Variants in CHD1L observed in about 807,000 individuals in gnomAD.
CHD1L encodes ATP-dependent chromatin remodeler CHD1L.
CHD1L carries 118 observed loss-of-function variants against 115.9 expected under a neutral mutation model. That is an observed-to-expected ratio of 1.02 (90% CI 0.88 to 1.19). The LOEUF (loss-of-function observed/expected upper bound fraction) is 1.19. Ranked by LOEUF, CHD1L falls within the 50% of genes most tolerant of loss-of-function variation. The pLI, the probability that CHD1L is intolerant of heterozygous loss-of-function variation, is 0.00. For synonymous variants in CHD1L, 411 were observed against 387.1 expected (o/e 1.06, Z -0.72); for missense variants, 1,179 against 1,065.3 (o/e 1.11, Z -1.49).
the CHD1L span, among the ~76,000 whole-genome samples, chr1:147,184,884 A>G: frequency 3.6e-3 from 545 of 152,246 alleles, 4 homozygotes; most frequent in Admixed American, 5.7e-3. The surrounding 1 kb of genome is among the most constrained non-coding windows in gnomAD (Gnocchi z 4.4). Flanking sequence ...CCTTGAGGGC[A>G]GAGTTCATAA....
intron 19 of CHD1L, among the ~76,000 whole-genome samples, chr1:147,291,146 A>G (rs959288420): frequency 5.9e-5 from 9 of 152,186 alleles, no homozygotes; most frequent in African/African-American, 2.2e-4. Context: ...ATGATTTAGG[A>G]CAAGCACAAA....
At chr1:147,268,366 A>C (rs1436165306) in intron 9 of CHD1L, among the ~76,000 whole-genome samples, 1 of 152,210 alleles carries the variant, frequency 6.6e-6, no homozygotes, top group Non-Finnish European at 1.5e-5. Flanking sequence ...TCTCTGCCAA[A>C]TAGTGCTAAG....
chr1:147,253,430 G>A (rs1350643409), intron 2 of CHD1L, among the ~76,000 whole-genome samples: 1 of 152,188 alleles, frequency 6.6e-6, no homozygotes, highest in African/African-American at 2.4e-5. Context: ...AATTATTTCT[G>A]TTATAAAAAC....
At chr1:147,225,196 T>A in the CHD1L span, 7 of 1,446,758 alleles carry the variant, frequency 4.8e-6, no homozygotes, top group Non-Finnish European at 6.3e-6. Context: ...ACGGTCCTCT[T>A]CACCAGAGGA....
the CHD1L span, chr1:147,201,146 A>T: frequency 6.3e-7 from 1 of 1,596,734 alleles, no homozygotes; most frequent in Non-Finnish European, 8.6e-7. Flanking sequence ...TTGCATGGTC[A>T]CTTACCTTTA....
chr1:147,237,831 G>A (rs1664632520), upstream of CHD1L, among the ~76,000 whole-genome samples: 1 of 152,144 alleles, frequency 6.6e-6, no homozygotes, highest in East Asian at 1.9e-4. Context: ...CAGTCAAAAG[G>A]CATCCAGTTA....
rs1029944749 is a variant in CHD1L at position 147,295,714 on chromosome 1, C to G, written c.*205C>G. On this transcript the variant is annotated 3_prime_UTR_variant, in exon 23 of 23. Transcript: ENST00000369258. ...AAACACAACTTTTTTTGGGAAAGCC[C>G]TTTGACCCCAGCTTGCTAGTTGCAT... 2.1e-4 allele frequency: 113 copies of G among 527,662 alleles called. No homozygotes were observed. The highest frequency in any genetic ancestry group is 9.5e-4 in the Middle Eastern group (2 of 2,114). 32.7% of individuals were successfully genotyped at this position (527,662 alleles called of 1,614,324 possible).
chr1:147,229,038 C>T, the CHD1L span, among the ~76,000 whole-genome samples: 2 of 152,256 alleles, frequency 1.3e-5, no homozygotes, highest in South Asian at 2.1e-4. Context: ...CCAATTTTGG[C>T]TTTTGTTGCC....
chr1:147,242,715 G>C lies in CHD1L; in HGVS notation c.12G>C (p.Ala4=), dbSNP rs187995209. 8.7e-6 allele frequency: 11 copies of C among 1,258,468 alleles called. No individual in the cohort carries two copies. The highest frequency in any genetic ancestry group is 1.0e-5 in the Non-Finnish European group (10 of 997,796). The allele number at this position is 1,258,468 out of a possible 1,614,324, so 78.0% of individuals were successfully genotyped here. A position where few individuals can be genotyped will look rare whatever the true frequency, so the allele number is the denominator to read the frequency against. The change falls in exon 1 of 23, where the codon GCG becomes GCC. Residue 4 remains alanine, a synonymous_variant. Coordinates refer to ENST00000369258, the MANE Select transcript of CHD1L (RefSeq NM_004284.6). MER[A]GATSRGGQAP... The stretch of plus-strand genomic sequence containing the variant: ...CCTCTACCGGCCCGATGGAGCGCGC[G>C]GGCGCTACTAGCCGCGGGGGCCAAG...
chr1:147,242,709 GCGCGCGGGCGCTACTAGC>G lies in CHD1L; in HGVS notation c.11_28del (p.Ala4_Arg9del). ...GCGGGGCCTCTACCGGCCCGATGGA[GCGCGCGGGCGCTACTAGC>G]CGCGGGGGCCAAGCCCCTGGCTTCT... On this transcript the variant is annotated inframe_deletion, in exon 1 of 23. Transcript: ENST00000369258. 7.9e-7 allele frequency: 1 copy of G among 1,258,086 alleles called. No individual in the cohort carries two copies. Among genetic ancestry groups the G allele is most frequent in the Non-Finnish European group, 1.0e-6 (1 of 997,976 alleles). 77.9% of individuals were successfully genotyped at this position (1,258,086 alleles called of 1,614,324 possible). A position where few individuals can be genotyped will look rare whatever the true frequency, so the allele number is the denominator to read the frequency against.
intron 13 of CHD1L, among the ~76,000 whole-genome samples, chr1:147,275,771 T>C (rs868921818): frequency 8.2e-5 from 10 of 122,246 alleles, no homozygotes; most frequent in Non-Finnish European, 1.5e-4. Flanking sequence ...TATGGGGCTA[T>C]GGAGCTAAGC....
intron 3 of CHD1L, among the ~76,000 whole-genome samples, chr1:147,255,232 G>T (rs1553939245): frequency 2.0e-5 from 3 of 152,006 alleles, no homozygotes; most frequent in Non-Finnish European, 4.4e-5. Flanking sequence ...ATTGTTTTTT[G>T]TTTGTTTGTT....
In CHD1L at chr1:147,293,656, G is replaced by C. The variant is rs1553973096; in HGVS notation, c.2440G>C (p.Gly814Arg). The change falls in exon 21 of 23, where the codon GGC (glycine) becomes CGC (arginine). Residue 814 changes from glycine to arginine, a missense_variant. Coordinates refer to ENST00000369258, the MANE Select transcript of CHD1L (RefSeq NM_004284.6). ...TCGTGATCGTTCCAATGTCCTGTCTGGCATTAAGATGGCAGCCCTAGAAGA... is the reference window on the plus strand; with the variant it reads ...TCGTGATCGTTCCAATGTCCTGTCTCGCATTAAGATGGCAGCCCTAGAAGA... Reference protein sequence around the residue: ...QHRDRSNVLSGIKMAALEEGL... With the variant: ...QHRDRSNVLSRIKMAALEEGL... 1 of 1,614,156 alleles carries C rather than the reference G, an allele frequency of 6.2e-7. No homozygotes were observed. Among genetic ancestry groups the C allele is most frequent in the South Asian group, 1.1e-5 (1 of 91,088 alleles).
chr1:147,224,752 C>T, the CHD1L span: 3 of 706,006 alleles, frequency 4.2e-6, no homozygotes, highest in Non-Finnish European at 7.3e-6. Context: ...CCTCGTGATC[C>T]GCCCGCCTCG....
At chr1:147,277,747 TA>T (rs1679087299) in intron 14 of CHD1L, among the ~76,000 whole-genome samples, 1 of 151,886 alleles carries the variant, frequency 6.6e-6, no homozygotes, top group Non-Finnish European at 1.5e-5. Flanking sequence ...TAGATACCCT[TA>T]AATGCAGTTT....
chr1:147,257,271 A>C (rs1670451641), intron 5 of CHD1L, among the ~76,000 whole-genome samples: 1 of 152,202 alleles, frequency 6.6e-6, no homozygotes, highest in Non-Finnish European at 1.5e-5. Context: ...CTTTGTTTTC[A>C]AAGTATTTTA....
At chr1:147,264,928 G>C (rs1673298911) in intron 7 of CHD1L, among the ~76,000 whole-genome samples, 2 of 152,206 alleles carry the variant, frequency 1.3e-5, no homozygotes, top group African/African-American at 4.8e-5. Context: ...AGGGAGAAAA[G>C]AATGTGGGTG....
chr1:147,219,710 C>T, the CHD1L span, among the ~76,000 whole-genome samples: 1 of 150,618 alleles, frequency 6.6e-6, no homozygotes, highest in Non-Finnish European at 1.5e-5. Flanking sequence ...TGCAGATGAC[C>T]TGACCGTCTA....
At chr1:147,193,787 G>A in the CHD1L span, among the ~76,000 whole-genome samples, 3 of 152,144 alleles carry the variant, frequency 2.0e-5, no homozygotes, top group Non-Finnish European at 2.9e-5. Flanking sequence ...TCAGGAGCAG[G>A]TTGTTCAGTT....
Sources: allele counts gnomAD v4.1 joint callset (sites outside exome capture counted in the v4.1 genomes callset), GRCh38; gene constraint gnomAD v4.1.1; non-coding constraint Gnocchi (gnomAD v3.1); transcripts MANE v1.5; gene names NCBI Gene and HGNC (gene_info 2026-07-23, HGNC 2026-07-21).